Variants in ACOT9 observed in about 807,000 individuals in gnomAD.
The protein encoded by ACOT9 is acyl-coenzyme A thioesterase 9, mitochondrial.
ACOT9 carries 34 observed loss-of-function variants against 39.7 expected under a neutral mutation model. The ratio of observed to expected loss-of-function variants is 0.86; its 90% CI spans 0.65 to 1.14. The LOEUF is 1.14. Among genes scored for constraint, ACOT9 ranks in the 50% most tolerant of loss-of-function variants. ACOT9 has a pLI of 0.00. For synonymous variants in ACOT9, 110 were observed against 120.5 expected, an observed-to-expected ratio of 0.91 and a Z score of 0.57; for missense variants, 313 against 344.1, an observed-to-expected ratio of 0.91 and a Z score of 0.71.
chrX:23,730,582 C>T lies in ACOT9; in HGVS notation c.363-18G>A. ...TGCCAAATCTGTGAAATAAAGCAAA[C>T]AGTGAATTAAATGCAAATCATGTTG... is the stretch of plus-strand genomic sequence containing the variant. On this transcript the variant is annotated intron_variant, in intron 5 of 15. Transcript: ENST00000379303. The T allele has an allele frequency of 1.7e-6, 2 of 1,195,122 alleles. No individual in the cohort carries two copies. Among genetic ancestry groups the T allele is most frequent in the East Asian group, 3.0e-5 (1 of 33,745 alleles).
chrX:23,718,278 G>A (rs1189009089), intron 8 of ACOT9, among the ~76,000 whole-genome samples: 1 of 111,617 alleles, frequency 9.0e-6, no homozygotes, highest in Non-Finnish European at 1.9e-5. Flanking sequence ...ACATGACTAG[G>A]AAGCAGCAGT....
At chrX:23,706,770 C>T (rs1347384222) in intron 10 of ACOT9, 31 bp from the exon 11 acceptor site, 1 of 960,453 alleles carries the variant, frequency 1.0e-6, no homozygotes, top group Admixed American at 2.6e-5. Flanking sequence ...GAGCAATGAT[C>T]AGGACGGTCG....
chrX:23,715,874 G>A (rs773995529), intron 8 of ACOT9, among the ~76,000 whole-genome samples: 83 of 112,125 alleles, frequency 7.4e-4, no homozygotes, highest in African/African-American at 2.6e-3. Flanking sequence ...CCAAGAGAAT[G>A]GAACTTTATC....
chrX:23,728,538 G>A (rs780638771), intron 6 of ACOT9, among the ~76,000 whole-genome samples: 12 of 111,731 alleles, frequency 1.1e-4, no homozygotes, highest in Admixed American at 1.9e-4. Context: ...AATGAACCCC[G>A]TGGTGGCTGA....
rs767157676 is a variant in ACOT9 at position 23,721,969 on chromosome X, C to A, written c.500G>T (p.Ser167Ile). 2 of 1,206,757 alleles carry A rather than the reference C, an allele frequency of 1.7e-6. No individual in the cohort carries two copies. Among genetic ancestry groups the A allele is most frequent in the African/African-American group, 3.5e-5 (2 of 57,225 alleles). The change falls in exon 8 of 16, where the codon AGC becomes ATC. Residue 167 changes from serine (S) to isoleucine (I), a missense_variant. By Grantham distance (142) the Ser-to-Ile change is moderately radical. Transcript: ENST00000379303. ...CTTAATGTCCTGTTCTGGGCTCAAG[C>A]TCTTCTTACACATATCTGCAAAACA... ...LVDKIDMCKK[S>I]LSPEQDIKFS... is the part of the protein sequence containing the mutation.
intron 6 of ACOT9, among the ~76,000 whole-genome samples, chrX:23,723,979 G>C (rs1054509115): frequency 1.8e-5 from 2 of 112,210 alleles, no homozygotes; most frequent in Admixed American, 1.9e-4. Context: ...AAAGAGAAGA[G>C]AGACTGGGCA....
chrX:23,706,770 CA>C (rs1327952014), intron 10 of ACOT9, 31 bp from the exon 11 acceptor site: 18 of 957,894 alleles, frequency 1.9e-5, no homozygotes, highest in Non-Finnish European at 2.3e-5. Flanking sequence ...GAGCAATGAT[CA>C]GGACGGTCGC....
At chrX:23,742,804 C>T (rs910017885) in intron 1 of ACOT9, among the ~76,000 whole-genome samples, 1 of 112,593 alleles carries the variant, frequency 8.9e-6, no homozygotes, top group African/African-American at 3.2e-5. Context: ...GCTACCCCGA[C>T]GCGGCTACCA....
At chrX:23,709,240 A>G (rs945639568) in intron 9 of ACOT9, among the ~76,000 whole-genome samples, 12 of 110,970 alleles carry the variant, frequency 1.1e-4, no homozygotes, top group East Asian at 2.8e-4. Flanking sequence ...TAAAAATACA[A>G]AAGTCAGCCG....
chrX:23,708,546 A>G (rs1212770556), intron 9 of ACOT9, among the ~76,000 whole-genome samples: 2 of 108,903 alleles, frequency 1.8e-5, no homozygotes, highest in African/African-American at 6.9e-5. Flanking sequence ...AAGAAAAAAA[A>G]AAAAAAAAGA....
intron 13 of ACOT9, 137 bp from the exon 14 acceptor site, chrX:23,705,217 T>G (rs1928635775): frequency 1.7e-6 from 1 of 601,315 alleles, no homozygotes; most frequent in Admixed American, 3.0e-5. Flanking sequence ...ATCCTACCAG[T>G]GAGAAATGGT....
chrX:23,718,238 G>C (rs757730195), intron 8 of ACOT9, among the ~76,000 whole-genome samples: 1 of 111,455 alleles, frequency 9.0e-6, no homozygotes, highest in South Asian at 3.7e-4. Flanking sequence ...TGAGAACACA[G>C]AGGCTCAGAC....
intron 6 of ACOT9, among the ~76,000 whole-genome samples, chrX:23,726,367 T>C (rs1299456633): frequency 9.1e-6 from 1 of 110,258 alleles, no homozygotes; most frequent in Non-Finnish European, 1.9e-5. Context: ...CAGAAGGAAA[T>C]GTCACCAAAG....
chrX:23,729,917 C>T (rs978423383), intron 6 of ACOT9, among the ~76,000 whole-genome samples: 2 of 111,235 alleles, frequency 1.8e-5, no homozygotes, highest in African/African-American at 6.5e-5. Flanking sequence ...AGGCGTGAGC[C>T]ACCGCGCCTG....
At chrX:23,738,852 G>T (rs186275427) in intron 1 of ACOT9, among the ~76,000 whole-genome samples, 2 of 112,002 alleles carry the variant, frequency 1.8e-5, no homozygotes, top group East Asian at 5.6e-4. Context: ...TCACATACCT[G>T]AATAAATACA....
At chrX:23,710,680 C>T (rs1011922557) in intron 9 of ACOT9, among the ~76,000 whole-genome samples, 1 of 111,046 alleles carries the variant, frequency 9.0e-6, no homozygotes, top group Non-Finnish European at 1.9e-5. Context: ...ATGGCAAAAC[C>T]CCATCTCTAC....
chrX:23,737,232 G>A (rs1319597395), intron 1 of ACOT9, among the ~76,000 whole-genome samples: 1 of 111,151 alleles, frequency 9.0e-6, no homozygotes, highest in African/African-American at 3.3e-5. Flanking sequence ...AGAATCGCTT[G>A]AACCCAGGAG....
At chrX:23,730,631 A>T in intron 5 of ACOT9, 67 bp from the exon 6 acceptor site, 1 of 1,049,568 alleles carries the variant, frequency 9.5e-7, no homozygotes, top group Non-Finnish European at 1.3e-6. Flanking sequence ...AATAAATAAC[A>T]CACTTCAGGG....
intron 9 of ACOT9, among the ~76,000 whole-genome samples, chrX:23,708,159 G>A (rs1288038994): frequency 1.8e-5 from 2 of 112,211 alleles, no homozygotes; most frequent in African/African-American, 3.2e-5. Context: ...AAAGGATACT[G>A]GCATCTGCTA....
Sources: gnomAD v4.1 joint callset for allele counts (sites outside exome capture counted in the v4.1 genomes callset) on GRCh38, gnomAD v4.1.1 for gene constraint, MANE v1.5 for transcripts, NCBI Gene and HGNC (gene_info 2026-07-23, HGNC 2026-07-21) for gene names.